Variants in PKD1L1 observed in about 807,000 individuals in gnomAD.
The protein encoded by PKD1L1 is polycystin 1 like 1, transient receptor potential channel interacting.
A neutral mutation model predicts 323.4 loss-of-function variants in PKD1L1; 236 were observed. The ratio of observed to expected loss-of-function variants is 0.73; its 90% CI spans 0.66 to 0.81. The LOEUF (loss-of-function observed/expected upper bound fraction) is 0.81, where lower values mean the gene tolerates loss of function less well. Among genes scored for constraint, PKD1L1 ranks in the 40% least tolerant of loss-of-function variants. The pLI, the probability that PKD1L1 is intolerant of heterozygous loss-of-function variation, is 0.00. For missense variants in PKD1L1, 3,320 were observed against 3,508.0 expected (o/e 0.95, Z 1.35); for synonymous variants, 1,344 against 1,335.0 (o/e 1.01, Z -0.15).
chr7:47,869,471 C>T (rs1482093712), intron 24 of PKD1L1, among the ~76,000 whole-genome samples: 2 of 152,014 alleles, frequency 1.3e-5, no homozygotes, highest in Non-Finnish European at 2.9e-5. Context: ...ATGTTTATAT[C>T]AGACAAAAAA....
chr7:47,825,503 C>T (rs564643210), intron 45 of PKD1L1, among the ~76,000 whole-genome samples: 42 of 150,864 alleles, frequency 2.8e-4, no homozygotes, highest in Admixed American at 1.8e-3. Context: ...TGCATTCCAG[C>T]CTGGGCAACA....
At chr7:47,927,914 C>A (rs1233140186) in intron 7 of PKD1L1, among the ~76,000 whole-genome samples, 1 of 152,142 alleles carries the variant, frequency 6.6e-6, no homozygotes, top group Non-Finnish European at 1.5e-5. Context: ...AGATCAGAAA[C>A]AATTTCAATG....
intron 32 of PKD1L1, among the ~76,000 whole-genome samples, chr7:47,845,326 GCAAGA>G (rs1434519557): frequency 2.6e-5 from 4 of 152,212 alleles, no homozygotes; most frequent in Non-Finnish European, 5.9e-5. Flanking sequence ...GTCCTGAGAT[GCAAGA>G]CTCCACAGCA....
chr7:47,931,191 G>A lies in PKD1L1; in HGVS notation c.650C>T (p.Thr217Ile), dbSNP rs1414404711. The A allele has an allele frequency of 6.2e-7, 1 of 1,614,178 alleles. No individual in the cohort carries two copies. Among genetic ancestry groups the A allele is most frequent in the Non-Finnish European group, 8.5e-7 (1 of 1,180,042 alleles). ...GLLPGTVTME[T>I]PTKVARPTQT... ...AGTGGGTCTGGCCACCTTGGTGGGG[G>A]TCTCCATCGTGACAGTCCCAGGAAG... is the stretch of plus-strand genomic sequence containing the variant. The change falls in exon 6 of 57, where the codon ACC becomes ATC. Residue 217 changes from threonine to isoleucine, a missense_variant. Coordinates refer to ENST00000289672, the MANE Select transcript of PKD1L1 (RefSeq NM_138295.5).
At chr7:47,811,739 C>A in intron 50 of PKD1L1, 78 bp downstream of exon 50, 4 of 1,192,972 alleles carry the variant, frequency 3.4e-6, no homozygotes, top group East Asian at 2.5e-5. Context: ...CTAGTCCTGT[C>A]TGGTGGAGAA....
chr7:47,856,375 TA>T (rs1317650097), intron 28 of PKD1L1, among the ~76,000 whole-genome samples: 1 of 152,190 alleles, frequency 6.6e-6, no homozygotes, highest in Admixed American at 6.5e-5. Flanking sequence ...CCCAAATTAC[TA>T]AAATTCCCTG....
At chr7:47,941,252 C>G (rs1382040513) in intron 2 of PKD1L1, among the ~76,000 whole-genome samples, 1 of 152,208 alleles carries the variant, frequency 6.6e-6, no homozygotes, top group East Asian at 1.9e-4. Flanking sequence ...TCTGCCTGGG[C>G]TCTCTTAACC....
chr7:47,899,671 G>C (rs1787036311), intron 13 of PKD1L1, among the ~76,000 whole-genome samples: 2 of 152,088 alleles, frequency 1.3e-5, no homozygotes, highest in Non-Finnish European at 2.9e-5. Context: ...AATTGGAAAG[G>C]GAAGGCCAGG....
At position 47,847,091 on chromosome 7, in the gene PKD1L1, A is replaced by G. The variant is rs1449119330; in HGVS notation, c.4961-20T>C. On this transcript the variant is annotated intron_variant, in intron 31 of 56. Coordinates refer to ENST00000289672, the MANE Select transcript of PKD1L1 (RefSeq NM_138295.5). Reference sequence around the variant, plus strand: ...TGGCATCTAAAAAGAGAAAACATAAATAAAAAGTACAACCTGAGGTTTGCA... The same window carrying G: ...TGGCATCTAAAAAGAGAAAACATAAGTAAAAAGTACAACCTGAGGTTTGCA... 1 of 1,548,152 alleles carries G rather than the reference A, an allele frequency of 6.5e-7. No homozygotes were observed. The highest frequency in any genetic ancestry group is 1.3e-5 in the South Asian group (1 of 79,088).
chr7:47,800,834 A>G lies in PKD1L1; in HGVS notation c.8008T>C (p.Phe2670Leu). 1 of 1,614,084 alleles carries G rather than the reference A, an allele frequency of 6.2e-7. No homozygotes were observed. The highest frequency in any genetic ancestry group is 8.5e-7 in the Non-Finnish European group (1 of 1,180,016). Residue 2670 changes from phenylalanine (F) to leucine (L), a missense_variant, in exon 54 of 57, where the codon TTT becomes CTT. By Grantham distance (22) the Phe-to-Leu change is conservative (BLOSUM62 0). Coordinates refer to ENST00000289672, the MANE Select transcript of PKD1L1 (RefSeq NM_138295.5). ...MLAALSHLHR[F>L]LLSMWVLPPG... ...GGTAGAACCCACATAGAGAGCAGAA[A>G]TCGGTGCAGGTGGGAGAGGGCGGCC...
In PKD1L1 at chr7:47,833,269, A is replaced by G. The variant is rs766284396; in HGVS notation, c.6175-17T>C. ...TGCAGGTTGCTAGAATGACAAGGTC[A>G]TGCCAAGGTTAATATCTCCACAGAC... On this transcript the variant is annotated splice_polypyrimidine_tract_variant and intron_variant, in intron 40 of 56. Transcript: ENST00000289672. 2 of 1,609,564 alleles carry G rather than the reference A, an allele frequency of 1.2e-6. No homozygotes were observed. Among genetic ancestry groups the G allele is most frequent in the Admixed American group, 1.7e-5 (1 of 59,722 alleles).
At chr7:47,798,540 G>A (rs995800820) in intron 54 of PKD1L1, among the ~76,000 whole-genome samples, 19 of 151,994 alleles carry the variant, frequency 1.3e-4, no homozygotes, top group African/African-American at 4.3e-4. Flanking sequence ...GGAGGATCAC[G>A]AGGTCAGGAG....
intron 21 of PKD1L1, 50 bp from the exon 22 acceptor site, chr7:47,877,681 C>T (rs1310992937): frequency 6.3e-7 from 1 of 1,595,452 alleles, no homozygotes; most frequent in East Asian, 2.2e-5. Flanking sequence ...AGAATTACAG[C>T]AGCATAGGAA....
chr7:47,819,797 C>G (rs1046510315), intron 46 of PKD1L1: 1 of 244,828 alleles, frequency 4.1e-6, no homozygotes. Context: ...GAATAACCCT[C>G]TCTCACAAAA....
chr7:47,938,440 G>A (rs1178319585), intron 3 of PKD1L1, among the ~76,000 whole-genome samples: 1 of 152,122 alleles, frequency 6.6e-6, no homozygotes, highest in Non-Finnish European at 1.5e-5. Flanking sequence ...TGAAACCCAG[G>A]GGCTGAGACA....
intron 25 of PKD1L1, among the ~76,000 whole-genome samples, 182 bp downstream of exon 25, chr7:47,866,237 T>C (rs1012909523): frequency 1.3e-5 from 2 of 152,230 alleles, no homozygotes; most frequent in African/African-American, 4.8e-5. Flanking sequence ...TCATTTGTGA[T>C]ACATATGAGC....
intron 32 of PKD1L1, among the ~76,000 whole-genome samples, chr7:47,846,557 T>C (rs1785669014): frequency 6.6e-6 from 1 of 152,208 alleles, no homozygotes; most frequent in African/African-American, 2.4e-5. Flanking sequence ...GACAGGTTCA[T>C]CTATCACTCA....
the PKD1L1 span, among the ~76,000 whole-genome samples, chr7:47,955,119 T>C: frequency 6.6e-6 from 1 of 152,234 alleles, no homozygotes; most frequent in South Asian, 2.1e-4. Context: ...TTACAGACAC[T>C]GATTGATCCT....
intron 19 of PKD1L1, among the ~76,000 whole-genome samples, chr7:47,882,949 T>C (rs1786596471): frequency 6.6e-6 from 1 of 152,184 alleles, no homozygotes; most frequent in South Asian, 2.1e-4. Context: ...AAGGAGTCGC[T>C]GCACTTCACT....
Sources: allele counts gnomAD v4.1 joint callset (sites outside exome capture counted in the v4.1 genomes callset), GRCh38; gene constraint gnomAD v4.1.1; transcripts MANE v1.5; gene names NCBI Gene and HGNC (gene_info 2026-07-23, HGNC 2026-07-21).